Variants in ELAPOR2 observed in about 807,000 individuals in gnomAD.
ELAPOR2 encodes endosome-lysosome associated apoptosis and autophagy regulator family member 2, also known as endosome/lysosome-associated apoptosis and autophagy regulator family member 2.
Under a neutral mutation model 120.7 loss-of-function variants are expected in ELAPOR2, and 89 were observed. That is an observed-to-expected ratio of 0.74 (90% confidence interval 0.62 to 0.88). The LOEUF (loss-of-function observed/expected upper bound fraction) is 0.88, where lower values mean the gene tolerates loss of function less well. ELAPOR2 is among the 40% of genes least tolerant of loss of function. The probability of loss-of-function intolerance (pLI) is 0.00; values close to 1 mark genes in which losing one functional copy is unlikely to be tolerated. For synonymous variants in ELAPOR2, 444 were observed against 444.9 expected, an observed-to-expected ratio of 1.00 and a Z score of 0.03; for missense variants, 1,134 against 1,251.6, an observed-to-expected ratio of 0.91 and a Z score of 1.42.
At chr7:87,006,614 A>G (rs4727135) in intron 1 of ELAPOR2, among the ~76,000 whole-genome samples, 58,814 of 152,028 alleles carry the variant, frequency 0.39, 12,430 homozygotes, top group African/African-American at 0.56. Context: ...GCAGATAGGA[A>G]TGAAAACAAC....
rs138424687 is a variant in ELAPOR2 at position 86,938,167 on chromosome 7, C to A, written c.1048G>T (p.Asp350Tyr). 3 of 1,552,320 alleles carry A rather than the reference C, an allele frequency of 1.9e-6. No individual in the cohort carries two copies. Among genetic ancestry groups the A allele is most frequent in the Non-Finnish European group, 2.6e-6 (3 of 1,146,632 alleles). ...CTERPPCTTKDYFQIHTPCDE... is the reference protein window; with the variant it reads ...CTERPPCTTKYYFQIHTPCDE... ...CATGGAGTATGGATCTGGAAATAGT[C>A]TTTTGTGGTACAGGGAGGGCGCTCT... Residue 350 changes from aspartate to tyrosine, a missense_variant, in exon 8 of 22, where the codon GAC (aspartate) becomes TAC (tyrosine). By Grantham distance (160) the Asp-to-Tyr change is radical. Coordinates refer to ENST00000450689, the MANE Select transcript of ELAPOR2 (RefSeq NM_001142749.3).
intron 19 of ELAPOR2, among the ~76,000 whole-genome samples, chr7:86,894,649 A>G (rs766154950): frequency 2.0e-5 from 3 of 152,108 alleles, no homozygotes; most frequent in African/African-American, 7.2e-5. Context: ...AACTTTTCTT[A>G]GTAATTCTAT....
chr7:86,970,859 T>A (rs1792084185), intron 1 of ELAPOR2, among the ~76,000 whole-genome samples: 1 of 152,200 alleles, frequency 6.6e-6, no homozygotes, highest in Admixed American at 6.6e-5. Flanking sequence ...TGGAAAAAGT[T>A]CATATTTTAA....
At chr7:86,960,449 C>T (rs1182607626) in intron 2 of ELAPOR2, among the ~76,000 whole-genome samples, 1 of 152,176 alleles carries the variant, frequency 6.6e-6, no homozygotes, top group African/African-American at 2.4e-5. Flanking sequence ...GACGGGGTTT[C>T]ACTATGTTGG....
intron 1 of ELAPOR2, among the ~76,000 whole-genome samples, chr7:87,034,858 G>T (rs1253419359): frequency 6.6e-6 from 1 of 152,094 alleles, no homozygotes; most frequent in Admixed American, 6.5e-5. Flanking sequence ...CAAGGCGGCT[G>T]GATCACCTAA....
Position 86,943,301 on chromosome 7 carries a change from TA to T in ELAPOR2, c.655-1198del, listed in dbSNP as rs11377546. Among the ~76,000 whole-genome samples the T allele has an allele frequency of 5.0e-4, 74 of 149,160 alleles. 1 individual carries two copies. The highest frequency in any genetic ancestry group is 4.0e-3 in the South Asian group (19 of 4,726). On this transcript the variant is annotated intron_variant, in intron 4 of 21. Coordinates refer to ENST00000450689, the MANE Select transcript of ELAPOR2 (RefSeq NM_001142749.3). The stretch of plus-strand genomic sequence containing the variant: ...TCTAGGCTTCAGCTTCATCATCATT[TA>T]AAAAAAAAAATAGAAGGGCTGAATG...
At chr7:86,892,254 G>A (rs553437386) in intron 20 of ELAPOR2, among the ~76,000 whole-genome samples, 1 of 152,160 alleles carries the variant, frequency 6.6e-6, no homozygotes, top group Non-Finnish European at 1.5e-5. Flanking sequence ...TCGTAAAGAT[G>A]AGAATATCAA....
chr7:86,970,414 C>T (rs1792066787), intron 1 of ELAPOR2, among the ~76,000 whole-genome samples: 1 of 152,044 alleles, frequency 6.6e-6, no homozygotes, highest in Non-Finnish European at 1.5e-5. Context: ...TTGAGAACAC[C>T]ATAACCTTGT....
intron 10 of ELAPOR2, among the ~76,000 whole-genome samples, chr7:86,919,996 A>C (rs1361931240): frequency 6.6e-6 from 1 of 152,176 alleles, no homozygotes; most frequent in Non-Finnish European, 1.5e-5. Flanking sequence ...AGGCCTCTCC[A>C]ACATAACATC....
intron 8 of ELAPOR2, among the ~76,000 whole-genome samples, chr7:86,929,746 C>A (rs1790241791): frequency 6.6e-6 from 1 of 151,704 alleles, no homozygotes; most frequent in South Asian, 2.1e-4. Flanking sequence ...AATTGTAATC[C>A]CCAGTGTTGG....
chr7:87,038,309 T>A (rs918077985), intron 1 of ELAPOR2, among the ~76,000 whole-genome samples: 5 of 152,234 alleles, frequency 3.3e-5, no homozygotes, highest in Admixed American at 1.3e-4. Flanking sequence ...TAATTCCATA[T>A]ACCTTTTTAG....
At chr7:86,965,704 C>G (rs183995989) in intron 1 of ELAPOR2, 1 of 478,982 alleles carries the variant, frequency 2.1e-6, no homozygotes, top group Non-Finnish European at 2.7e-6. Context: ...GCACATTACA[C>G]ATAAGTGATA....
chr7:86,988,325 C>A (rs1185234154), intron 1 of ELAPOR2, among the ~76,000 whole-genome samples: 2 of 151,534 alleles, frequency 1.3e-5, no homozygotes, highest in South Asian at 2.1e-4. Flanking sequence ...GCACATGTAC[C>A]CTAGAACTTA....
chr7:86,944,381 T>G (rs1157955450), intron 4 of ELAPOR2, among the ~76,000 whole-genome samples: 1 of 152,098 alleles, frequency 6.6e-6, no homozygotes, highest in South Asian at 2.1e-4. Context: ...GTTTTTAGAC[T>G]GTACTAAATT....
intron 1 of ELAPOR2, among the ~76,000 whole-genome samples, chr7:86,966,654 G>C (rs1003751395): frequency 6.6e-6 from 1 of 152,172 alleles, no homozygotes; most frequent in African/African-American, 2.4e-5. Context: ...TCCCATAACA[G>C]CCGTAATAAA....
intron 18 of ELAPOR2, among the ~76,000 whole-genome samples, chr7:86,901,116 G>A (rs1206124601): frequency 1.3e-5 from 2 of 152,176 alleles, no homozygotes; most frequent in Admixed American, 1.3e-4. Flanking sequence ...GATAGCTGGG[G>A]CATGTCAGGC....
chr7:87,057,602 AGTAAGGACCTGTG>A (rs776778014), intron 1 of ELAPOR2, among the ~76,000 whole-genome samples: 6 of 152,226 alleles, frequency 3.9e-5, no homozygotes, highest in Admixed American at 2.6e-4. Flanking sequence ...AAGCCAATGC[AGTAAGGACCTGTG>A]ATCAAGTGAA....
chr7:86,912,262 A>G lies in ELAPOR2; in HGVS notation c.1996-17T>C. 1 of 1,551,924 alleles carries G rather than the reference A, an allele frequency of 6.4e-7. No homozygotes were observed. The highest frequency in any genetic ancestry group is 8.8e-7 in the Non-Finnish European group (1 of 1,133,190). On this transcript the variant is annotated splice_polypyrimidine_tract_variant and intron_variant, in intron 14 of 21. Transcript: ENST00000450689. ...CGAATGGTCCTTTGATTAAAGATAA[A>G]GAAACAATATAGCAGGAAAGAAAAT...
intron 21 of ELAPOR2, among the ~76,000 whole-genome samples, chr7:86,886,110 C>T (rs1303391124): frequency 6.6e-6 from 1 of 152,132 alleles, no homozygotes; most frequent in Non-Finnish European, 1.5e-5. Context: ...GACACTTCTA[C>T]TTACAGAGGT....
Sources: allele counts gnomAD v4.1 joint callset (sites outside exome capture counted in the v4.1 genomes callset), GRCh38; gene constraint gnomAD v4.1.1; transcripts MANE v1.5; gene names NCBI Gene and HGNC (gene_info 2026-07-23, HGNC 2026-07-21).